Variants in KCNU1 observed in about 807,000 individuals in gnomAD.
The protein encoded by KCNU1 is potassium calcium-activated channel subfamily U member 1, also known as potassium channel subfamily U member 1.
Under a neutral mutation model 126.8 loss-of-function variants are expected in KCNU1, and 93 were observed. The ratio of observed to expected loss-of-function variants is 0.73; its 90% CI spans 0.62 to 0.87. The LOEUF is 0.87. KCNU1 is among the 40% of genes least tolerant of loss of function. The probability of loss-of-function intolerance (pLI) is 0.00; values close to 1 mark genes in which losing one functional copy is unlikely to be tolerated. For synonymous variants in KCNU1, 523 were observed against 494.2 expected (o/e 1.06, Z -0.77); for missense variants, 1,330 against 1,367.1 (o/e 0.97, Z 0.43).
At chr8:36,927,080 G>A (rs1486906967) in intron 24 of KCNU1, among the ~76,000 whole-genome samples, 1 of 152,040 alleles carries the variant, frequency 6.6e-6, no homozygotes. Context: ...TAAACACCAA[G>A]AATAAATGTG....
intron 4 of KCNU1, 109 bp from the exon 5 acceptor site, chr8:36,806,160 G>T: frequency 1.6e-6 from 1 of 637,434 alleles, no homozygotes; most frequent in Non-Finnish European, 2.7e-6. Context: ...AATAGAAGGA[G>T]ATCAAGGCTT....
chr8:36,813,247 C>T (rs949967746), intron 7 of KCNU1, among the ~76,000 whole-genome samples: 3 of 152,046 alleles, frequency 2.0e-5, no homozygotes, highest in Non-Finnish European at 4.4e-5. Flanking sequence ...GCACTTGGCA[C>T]ATCACTTTTA....
At chr8:36,838,724 A>G (rs548394232) in intron 14 of KCNU1, among the ~76,000 whole-genome samples, 4 of 152,094 alleles carry the variant, frequency 2.6e-5, no homozygotes, top group Non-Finnish European at 5.9e-5. Flanking sequence ...AAATAAAAAT[A>G]AGATCTAGAG....
At position 36,915,615 on chromosome 8, in the gene KCNU1, A is replaced by G. The variant is rs577961504; in HGVS notation, c.2522-3208A>G. On this transcript the variant is annotated intron_variant, in intron 22 of 26. Transcript: ENST00000399881. The stretch of plus-strand genomic sequence containing the variant: ...AAATCTAGGATCTTGCAAGCCAGCA[A>G]GGAACTTGGATTCTCCCCTCCTTCA... Among the ~76,000 whole-genome samples the G allele has an allele frequency of 2.6e-5, 4 of 152,348 alleles. No individual in the cohort carries two copies. In the South Asian group the frequency reaches 8.3e-4, roughly 32 times the overall value.
At chr8:36,930,873 A>C in intron 24 of KCNU1, 78 bp from the exon 25 acceptor site, 1 of 981,200 alleles carries the variant, frequency 1.0e-6, no homozygotes, top group Non-Finnish European at 1.5e-6. Flanking sequence ...ATGCCCACTA[A>C]ATCTCCAAGC....
rs756100701 is a variant in KCNU1, at chr8:36,911,079, G to T, written c.2481G>T (p.Leu827Phe). Residue 827 changes from leucine (L) to phenylalanine (F), a missense_variant, in exon 22 of 27, where the codon TTG becomes TTT. By Grantham distance (22) the Leu-to-Phe change is conservative (BLOSUM62 0). This residue lies in a region of KCNU1 where 1,054 missense variants were observed against 1,053.9 expected (regional missense o/e 1.00). Transcript: ENST00000399881. ...AIMATLTIGSLQIDSSSDPSP... is the reference protein window; with the variant it reads ...AIMATLTIGSFQIDSSSDPSP... The stretch of plus-strand genomic sequence containing the variant: ...TGGCAACCCTCACCATCGGATCCTT[G>T]CAAATTGACTCCTCCTCTGACCCGT... 6.2e-7 allele frequency: 1 copy of T among 1,613,620 alleles called. No homozygotes were observed. Among genetic ancestry groups the T allele is most frequent in the Non-Finnish European group, 8.5e-7 (1 of 1,179,718 alleles).
At chr8:36,857,744 A>G (rs1563298850) in intron 18 of KCNU1, among the ~76,000 whole-genome samples, 1 of 151,678 alleles carries the variant, frequency 6.6e-6, no homozygotes, top group South Asian at 2.1e-4. Flanking sequence ...CTCCCGGGTT[A>G]AAGTGATTCT....
At chr8:36,864,312 A>G in intron 18 of KCNU1, 92 bp from the exon 19 acceptor site, 1 of 801,372 alleles carries the variant, frequency 1.2e-6, no homozygotes, top group South Asian at 1.4e-5. Flanking sequence ...TTCCCTAGTC[A>G]AGGGTCTATA....
chr8:36,887,392 GC>G (rs1806748322), intron 19 of KCNU1, among the ~76,000 whole-genome samples: 1 of 149,876 alleles, frequency 6.7e-6, no homozygotes, highest in South Asian at 2.1e-4. Context: ...GATTAGTTGA[GC>G]ATTTTTCTGA....
Position 36,836,947 on chromosome 8 carries a change from T to C in KCNU1, c.1518+2T>C, listed in dbSNP as rs1585436903. Reference sequence around the variant, plus strand: ...CTATTTGTGGAGCAAAACAAAAAGGTAACCTTGTAAATTACTGTTGATTCT... The same window carrying C: ...CTATTTGTGGAGCAAAACAAAAAGGCAACCTTGTAAATTACTGTTGATTCT... On this transcript the variant is annotated splice_donor_variant, in intron 14 of 26. Transcript: ENST00000399881. LOFTEE classifies it high-confidence loss of function. 1 of 1,613,536 alleles carries C rather than the reference T, an allele frequency of 6.2e-7. No homozygotes were observed. The highest frequency in any genetic ancestry group is 2.2e-5 in the East Asian group (1 of 44,858).
Position 36,805,201 on chromosome 8 carries a change from T to G in KCNU1, c.384T>G (p.Val128=). The change falls in exon 4 of 27, where the codon GTT becomes GTG. Residue 128 remains valine (V), a synonymous_variant. Transcript: ENST00000399881. ...GTCCTTCTTTCTTTTCCAGCCCTGT[T>G]GGAAGCTGTTCATCATATGAAGACA... ...IIYFINSADP[V]GSCSSYEDKT... The G allele has an allele frequency of 6.2e-7, 1 of 1,608,238 alleles. No homozygotes were observed. The highest frequency in any genetic ancestry group is 8.5e-7 in the Non-Finnish European group (1 of 1,175,962).
At chr8:36,933,497 A>G (rs912423407) in intron 26 of KCNU1, among the ~76,000 whole-genome samples, 5 of 152,130 alleles carry the variant, frequency 3.3e-5, no homozygotes, top group African/African-American at 7.2e-5. Context: ...TCGGCTTTCA[A>G]TTTAAAGAAA....
chr8:36,862,215 G>GA (rs1216291895), intron 18 of KCNU1, among the ~76,000 whole-genome samples: 1 of 152,038 alleles, frequency 6.6e-6, no homozygotes. Context: ...TAGATAGATA[G>GA]AAAAAATATA....
intron 21 of KCNU1, among the ~76,000 whole-genome samples, 198 bp from the exon 22 acceptor site, chr8:36,910,732 A>G (rs920465567): frequency 3.9e-5 from 6 of 152,108 alleles, no homozygotes; most frequent in African/African-American, 1.4e-4. Context: ...AATCTATGAA[A>G]TGTATTCACA....
At chr8:36,882,794 G>A (rs1806537251) in intron 19 of KCNU1, among the ~76,000 whole-genome samples, 1 of 152,038 alleles carries the variant, frequency 6.6e-6, no homozygotes, top group Non-Finnish European at 1.5e-5. Context: ...TGTTGGTCAG[G>A]CTGGTCTCGA....
chr8:36,790,219 C>T (rs928945419), intron 2 of KCNU1, among the ~76,000 whole-genome samples: 1 of 151,876 alleles, frequency 6.6e-6, no homozygotes, highest in African/African-American at 2.4e-5. Flanking sequence ...ATGTAACAAA[C>T]CACAAAGAAG....
At chr8:36,867,397 A>G (rs1805949540) in intron 19 of KCNU1, among the ~76,000 whole-genome samples, 1 of 152,186 alleles carries the variant, frequency 6.6e-6, no homozygotes, top group South Asian at 2.1e-4. Flanking sequence ...AATGCACAGT[A>G]GAGTGCCGTG....
chr8:36,924,754 A>G (rs894439078), intron 24 of KCNU1, among the ~76,000 whole-genome samples: 2 of 152,162 alleles, frequency 1.3e-5, no homozygotes, highest in Non-Finnish European at 2.9e-5. Context: ...GTGACTCTCG[A>G]TGAACTTGAC....
Position 36,833,554 on chromosome 8 carries a change from A to C in KCNU1, c.1107A>C (p.Glu369Asp). ...EINTEIVFLG[E>D]TPPSLELETI... The stretch of plus-strand genomic sequence containing the variant: ...TGCTGCCACGTTCTTTTTTGTCCAG[A>C]ACCCCTCCTTCTTTGGAACTTGAAA... The change falls in exon 11 of 27, where the codon GAA (glutamate) becomes GAC (aspartate). Residue 369 changes from glutamate to aspartate, a missense_variant and splice_region_variant. Physicochemically the swap from Glu to Asp is conservative, Grantham distance 45. Transcript: ENST00000399881. The C allele has an allele frequency of 1.3e-6, 2 of 1,596,248 alleles. No homozygotes were observed. Among genetic ancestry groups the C allele is most frequent in the Non-Finnish European group, 1.7e-6 (2 of 1,164,376 alleles).
Sources: gnomAD v4.1 joint callset for allele counts (sites outside exome capture counted in the v4.1 genomes callset) on GRCh38, gnomAD v4.1.1 for gene constraint, gnomAD v4.1.1 regional missense constraint, MANE v1.5 for transcripts, NCBI Gene and HGNC (gene_info 2026-07-23, HGNC 2026-07-21) for gene names.